The following HEG1 variants were observed in gnomAD, a reference collection of about 807,000 sequenced individuals.
HEG1 encodes protein HEG homolog 1.
In HEG1, 56 loss-of-function variants were observed where a neutral mutation model predicts 125.6. That is an observed-to-expected ratio of 0.45 (90% CI 0.36 to 0.56). The LOEUF is 0.56. Among genes scored for constraint, HEG1 ranks in the 20% least tolerant of loss-of-function variants. HEG1 has a pLI of 0.00. For synonymous variants in HEG1, 644 were observed against 668.5 expected, an observed-to-expected ratio of 0.96 and a Z score of 0.57; for missense variants, 1,523 against 1,670.0, an observed-to-expected ratio of 0.91 and a Z score of 1.53.
At position 125,013,645 on chromosome 3, in the gene HEG1, G is replaced by C; in HGVS notation, c.1934C>G (p.Thr645Ser). 2 of 1,612,406 alleles carry C rather than the reference G, an allele frequency of 1.2e-6. No individual in the cohort carries two copies. The highest frequency in any genetic ancestry group is 1.7e-6 in the Non-Finnish European group (2 of 1,179,100). The change falls in exon 6 of 17, where the codon ACT becomes AGT. Residue 645 changes from threonine to serine, a missense_variant. Transcript: ENST00000311127. The stretch of plus-strand genomic sequence containing the variant: ...AGCATCAGTGTCCAGAACAACCGAA[G>C]TGTTCGGCATATTAATGGTGGGTGT... ...SYTPTINMPN[T>S]SVVLDTDAEF...
At chr3:125,037,378 A>C (rs1247662866) in intron 1 of HEG1, among the ~76,000 whole-genome samples, 1 of 152,226 alleles carries the variant, frequency 6.6e-6, no homozygotes, top group African/African-American at 2.4e-5. Context: ...GTAGACCTTT[A>C]ATAGAAAGTT....
At chr3:125,020,055 C>T (rs1239366842) in intron 4 of HEG1, among the ~76,000 whole-genome samples, 3 of 152,152 alleles carry the variant, frequency 2.0e-5, no homozygotes, top group Non-Finnish European at 4.4e-5. Context: ...AGCCAAACCA[C>T]GAATTTGGGA....
At chr3:124,971,785 C>A (rs922798387) in intron 16 of HEG1, among the ~76,000 whole-genome samples, 1 of 127,242 alleles carries the variant, frequency 7.9e-6, no homozygotes, top group Admixed American at 8.9e-5. Flanking sequence ...CCACTGCGCC[C>A]GGCCTTTTTT....
In HEG1 at chr3:124,990,960, T is replaced by A; in HGVS notation, c.3679A>T (p.Asn1227Tyr). 1 of 1,559,160 alleles carries A rather than the reference T, an allele frequency of 6.4e-7. No homozygotes were observed. Among genetic ancestry groups the A allele is most frequent in the Non-Finnish European group, 8.7e-7 (1 of 1,150,218 alleles). The stretch of plus-strand genomic sequence containing the variant: ...GGAGCCTACCTCATGCAGGTTTCAT[T>A]TTCAAGCCTATATCCATCTTCACAT... Reference protein sequence around the residue: ...RACEDGYRLENETCMSCPFGL... With the variant: ...RACEDGYRLEYETCMSCPFGL... Residue 1227 changes from asparagine (N) to tyrosine (Y), a missense_variant, in exon 13 of 17, where the codon AAT becomes TAT. By Grantham distance (143) the Asn-to-Tyr change is moderately radical (BLOSUM62 -2). Transcript: ENST00000311127.
At chr3:124,996,167 C>T (rs1175517296) in intron 12 of HEG1, among the ~76,000 whole-genome samples, 1 of 151,998 alleles carries the variant, frequency 6.6e-6, no homozygotes, top group East Asian at 1.9e-4. Flanking sequence ...TCACTGCAAC[C>T]TCCACTCCCC....
intron 3 of HEG1, among the ~76,000 whole-genome samples, chr3:125,025,088 C>T (rs898034325): frequency 1.3e-5 from 2 of 152,250 alleles, no homozygotes; most frequent in African/African-American, 4.8e-5. Context: ...TCTCTCAGCA[C>T]TCTTGCCTGA....
intron 12 of HEG1, among the ~76,000 whole-genome samples, chr3:124,994,708 A>G (rs1579405547): frequency 6.6e-6 from 1 of 152,068 alleles, no homozygotes; most frequent in Non-Finnish European, 1.5e-5. Context: ...GTTTCACCAT[A>G]TTGGCCAGGC....
intron 14 of HEG1, among the ~76,000 whole-genome samples, chr3:124,982,180 G>A (rs1206455040): frequency 6.6e-6 from 1 of 152,184 alleles, no homozygotes; most frequent in Non-Finnish European, 1.5e-5. Flanking sequence ...GATTACAGGC[G>A]TGAGCCACTA....
chr3:125,024,124 T>G (rs2948787), intron 3 of HEG1, among the ~76,000 whole-genome samples: 1 of 152,008 alleles, frequency 6.6e-6, no homozygotes, highest in East Asian at 1.9e-4. Flanking sequence ...CATTATTATA[T>G]CCTCAGCTCC....
chr3:124,998,810 T>C (rs1390276700), intron 11 of HEG1, among the ~76,000 whole-genome samples: 1 of 152,108 alleles, frequency 6.6e-6, no homozygotes, highest in Non-Finnish European at 1.5e-5. Flanking sequence ...GGATAGTGGA[T>C]AGTACCTTAT....
intron 14 of HEG1, among the ~76,000 whole-genome samples, chr3:124,983,201 T>C (rs772426194): frequency 2.6e-5 from 4 of 152,218 alleles, no homozygotes; most frequent in African/African-American, 7.2e-5. Context: ...TAGCCAACCT[T>C]CCTTTAAGAT....
In HEG1 at chr3:124,970,756, G is replaced by A. The variant is rs1936410256; in HGVS notation, c.4042C>T (p.Pro1348Ser). Residue 1348 changes from proline to serine, a missense_variant, in exon 17 of 17, where the codon CCG becomes TCG. Transcript: ENST00000311127. The stretch of plus-strand genomic sequence containing the variant: ...GATCCTGGCAGTCCAGTGTAGGCCG[G>A]GTAGAGTCCGTTTCGTTCAAGTTCT... ...NPELERNGLY[P>S]AYTGLPGSRH... 1 of 1,610,150 alleles carries A rather than the reference G, an allele frequency of 6.2e-7. No homozygotes were observed. Among genetic ancestry groups the A allele is most frequent in the Non-Finnish European group, 8.5e-7 (1 of 1,178,398 alleles).
chr3:125,046,194 C>A (rs1937661159), intron 1 of HEG1, among the ~76,000 whole-genome samples: 1 of 152,064 alleles, frequency 6.6e-6, no homozygotes, highest in Non-Finnish European at 1.5e-5. Context: ...CAGTAGCACT[C>A]CATTACCATA....
At chr3:125,033,781 G>C (rs185078670) in intron 1 of HEG1, among the ~76,000 whole-genome samples, 1 of 152,200 alleles carries the variant, frequency 6.6e-6, no homozygotes, top group Non-Finnish European at 1.5e-5. Context: ...AGCAGTGGGC[G>C]AGCGAGCATT....
At chr3:124,972,806 T>C (rs1936469286) in intron 16 of HEG1, among the ~76,000 whole-genome samples, 1 of 152,164 alleles carries the variant, frequency 6.6e-6, no homozygotes, top group African/African-American at 2.4e-5. Flanking sequence ...AAATTCAATA[T>C]GGGAGAAAGG....
intron 1 of HEG1, among the ~76,000 whole-genome samples, chr3:125,054,676 G>A (rs957823555): frequency 2.0e-5 from 3 of 152,222 alleles, no homozygotes; most frequent in Admixed American, 6.5e-5. Flanking sequence ...CCACCACGTT[G>A]CTGACTTTGT....
At chr3:125,051,799 GTTCTT>G (rs1937811901) in intron 1 of HEG1, among the ~76,000 whole-genome samples, 2 of 152,228 alleles carry the variant, frequency 1.3e-5, no homozygotes, top group Non-Finnish European at 2.9e-5. Context: ...ACTGCCATCT[GTTCTT>G]TGCTTTCTTT....
At chr3:124,982,529 T>C (rs1423304744) in intron 14 of HEG1, among the ~76,000 whole-genome samples, 1 of 152,262 alleles carries the variant, frequency 6.6e-6, no homozygotes, top group Non-Finnish European at 1.5e-5. Flanking sequence ...TGGCATTTGT[T>C]GACATTTCAG....
At position 125,040,150 on chromosome 3, in the gene HEG1, C is replaced by T. The variant is rs146253258; in HGVS notation, c.317-10662G>A. Among the ~76,000 whole-genome samples the T allele has an allele frequency of 6.6e-5, 10 of 152,208 alleles. No individual in the cohort carries two copies. In the South Asian group the frequency reaches 8.3e-4, roughly 13 times the overall value. ...AGAAAAGTCTGTTTTTGATATGTGA[C>T]GTTTGGGGTGATGTTACAACTTCCA... On this transcript the variant is annotated intron_variant, in intron 1 of 16. Coordinates refer to ENST00000311127, the MANE Select transcript of HEG1 (RefSeq NM_020733.2).
Sources: allele counts gnomAD v4.1 joint callset (sites outside exome capture counted in the v4.1 genomes callset), GRCh38; gene constraint gnomAD v4.1.1; transcripts MANE v1.5; gene names NCBI Gene and HGNC (gene_info 2026-07-23, HGNC 2026-07-21).